The following NMUR2 variants were observed in gnomAD, a reference collection of about 807,000 sequenced individuals.
NMUR2 encodes the protein neuromedin-U receptor 2.
A neutral mutation model predicts 25.1 loss-of-function variants in NMUR2; 24 were observed. The ratio of observed to expected loss-of-function variants is 0.96; its 90% CI spans 0.69 to 1.34. NMUR2 has a LOEUF of 1.34. Ranked by LOEUF, NMUR2 falls within the 40% of genes most tolerant of loss-of-function variation. The pLI is 0.00. For synonymous variants in NMUR2, 218 were observed against 208.1 expected (o/e 1.05, Z -0.41); for missense variants, 533 against 512.8 (o/e 1.04, Z -0.38).
Position 152,405,064 on chromosome 5 carries a change from T to A in NMUR2, c.50A>T (p.Lys17Ile), listed in dbSNP as rs1753333166. ...LQNASWIYQQ[K>I]LEDPFQKHLN... is the part of the protein sequence containing the mutation. ...GTGTTTCTGGAATGGATCTTCTAGT[T>A]TCTGCTGGTAGATCCAGGAAGCATT... Residue 17 changes from lysine (K) to isoleucine (I), a missense_variant, in exon 1 of 4, where the codon AAA becomes ATA. Transcript: ENST00000255262. The A allele has an allele frequency of 6.2e-7, 1 of 1,613,706 alleles. No homozygotes were observed. The highest frequency in any genetic ancestry group is 1.1e-5 in the South Asian group (1 of 91,058).
chr5:152,402,197 G>A (rs1241574358), intron 1 of NMUR2, among the ~76,000 whole-genome samples: 1 of 152,130 alleles, frequency 6.6e-6, no homozygotes, highest in Admixed American at 6.5e-5. Flanking sequence ...CTTCCCTGAG[G>A]AAGCGTGTTG....
In NMUR2 at chr5:152,404,508, G is replaced by C. The variant is rs1268897426; in HGVS notation, c.606C>G (p.Ala202=). 6.2e-7 allele frequency: 1 copy of C among 1,614,136 alleles called. No individual in the cohort carries two copies. Among genetic ancestry groups the C allele is most frequent in the East Asian group, 2.2e-5 (1 of 44,856 alleles). The change falls in exon 1 of 4, where the codon GCC becomes GCG. Residue 202 remains alanine (A), a synonymous_variant. Coordinates refer to ENST00000255262, the MANE Select transcript of NMUR2 (RefSeq NM_020167.5). ...FPNGSLVPGS[A]TCTVIKPMWI... is the part of the protein sequence containing the mutation. The stretch of plus-strand genomic sequence containing the variant: ...ACATGGGCTTGATGACCGTACAGGT[G>C]GCCGAACCTGGGACCAGGGACCCAT...
At chr5:152,393,328 G>A (rs1753094727) in intron 3 of NMUR2, among the ~76,000 whole-genome samples, 2 of 152,134 alleles carry the variant, frequency 1.3e-5, no homozygotes, top group South Asian at 2.1e-4. Flanking sequence ...ACCATCCACA[G>A]AGAGGTTGAG....
chr5:152,401,307 A>G (rs1354997684), intron 1 of NMUR2, among the ~76,000 whole-genome samples: 3 of 152,206 alleles, frequency 2.0e-5, no homozygotes, highest in African/African-American at 7.2e-5. Context: ...ATTACTATAT[A>G]GTGTGATTAC....
At position 152,402,368 on chromosome 5, in the gene NMUR2, T is replaced by C. The variant is rs375067820; in HGVS notation, c.726+2020A>G. On this transcript the variant is annotated intron_variant, in intron 1 of 3. Coordinates refer to ENST00000255262, the MANE Select transcript of NMUR2 (RefSeq NM_020167.5). Reference sequence around the variant, plus strand: ...TCCTGAGTTTCAGTATAGAGATTTTTAAATTCTTCTAGAAGTGACTTTGTA... The same window carrying C: ...TCCTGAGTTTCAGTATAGAGATTTTCAAATTCTTCTAGAAGTGACTTTGTA... Among the ~76,000 whole-genome samples the C allele has an allele frequency of 1.2e-4, 19 of 152,292 alleles. No individual in the cohort carries two copies. In the East Asian group the frequency reaches 1.9e-3, roughly 15 times the overall value.
At chr5:152,402,216 C>A (rs530706425) in intron 1 of NMUR2, among the ~76,000 whole-genome samples, 1 of 152,070 alleles carries the variant, frequency 6.6e-6, no homozygotes, top group Non-Finnish European at 1.5e-5. Flanking sequence ...TGAAGTATGA[C>A]ACAGAGAATA....
intron 3 of NMUR2, among the ~76,000 whole-genome samples, chr5:152,394,059 T>C (rs1753108222): frequency 6.6e-6 from 1 of 152,152 alleles, no homozygotes; most frequent in African/African-American, 2.4e-5. Context: ...GGAGATGGTA[T>C]CTGAACAGGA....
intron 1 of NMUR2, among the ~76,000 whole-genome samples, chr5:152,402,942 C>A (rs774115989): frequency 6.6e-6 from 1 of 152,122 alleles, no homozygotes; most frequent in Non-Finnish European, 1.5e-5. Context: ...CGCTATTCAC[C>A]TTAGGGACAA....
At chr5:152,397,012 G>GTTTTTATTTTTTTTTTTTTT (rs1554106749) in intron 2 of NMUR2, among the ~76,000 whole-genome samples, 1 of 105,708 alleles carries the variant, frequency 9.5e-6, no homozygotes, top group Non-Finnish European at 2.0e-5. Context: ...TGAGCTTCAT[G>GTTTTTATTTTTTTTTTTTTT]TTTTTTTTTT....
chr5:152,395,622 C>G (rs1419800943), intron 2 of NMUR2, 38 bp from the exon 3 acceptor site: 1 of 1,608,622 alleles, frequency 6.2e-7, no homozygotes, highest in Non-Finnish European at 8.5e-7. Context: ...AGAAGACAGT[C>G]TGTGCAAGGA....
chr5:152,404,633 G>A lies in NMUR2; in HGVS notation c.481C>T (p.Arg161Cys), dbSNP rs750095849. 5 of 1,614,096 alleles carry A rather than the reference G, an allele frequency of 3.1e-6. No homozygotes were observed. Among genetic ancestry groups the A allele is most frequent in the East Asian group, 4.5e-5 (2 of 44,866 alleles). ...PFRAKLQSTR[R>C]RALRILGIVW... ...ATGCCGAGGATCCTGAGGGCCCGGCGCCGGGTGCTCTGCAGTTTGGCGCGG... is the reference window on the plus strand; with the variant it reads ...ATGCCGAGGATCCTGAGGGCCCGGCACCGGGTGCTCTGCAGTTTGGCGCGG... The change falls in exon 1 of 4, where the codon CGC becomes TGC. Residue 161 changes from arginine to cysteine, a missense_variant. By Grantham distance (180) the Arg-to-Cys change is radical. Coordinates refer to ENST00000255262, the MANE Select transcript of NMUR2 (RefSeq NM_020167.5).
At chr5:152,397,855 C>T (rs989968126) in intron 2 of NMUR2, among the ~76,000 whole-genome samples, 1 of 152,102 alleles carries the variant, frequency 6.6e-6, no homozygotes, top group Non-Finnish European at 1.5e-5. Context: ...CAAAGGAAGA[C>T]AGGTCACCTA....
chr5:152,397,850 G>C (rs1322111645), intron 2 of NMUR2, among the ~76,000 whole-genome samples: 1 of 152,056 alleles, frequency 6.6e-6, no homozygotes, highest in Non-Finnish European at 1.5e-5. Context: ...AGAAGCAAAG[G>C]AAGACAGGTC....
rs573330799 is a variant in NMUR2 at position 152,405,237 on chromosome 5, G to C, written c.-124C>G. The C allele has an allele frequency of 1.9e-5, 22 of 1,173,236 alleles. No individual in the cohort carries two copies. In the South Asian group the frequency reaches 2.2e-4, roughly 12 times the overall value. The allele number at this position is 1,173,236 out of a possible 1,614,324, so 72.7% of individuals were successfully genotyped here. On this transcript the variant is annotated 5_prime_UTR_variant, in exon 1 of 4. Transcript: ENST00000255262. ...AGCAGTCACGAAAGTCACAGGCTTC[G>C]TAAGGAAGGCTGGGAGAGAGTGAGT...
chr5:152,392,695 A>G (rs543777304), intron 3 of NMUR2, among the ~76,000 whole-genome samples, 194 bp from the exon 4 acceptor site: 3 of 152,350 alleles, frequency 2.0e-5, no homozygotes, highest in South Asian at 4.1e-4. Context: ...TAGCCATCAA[A>G]CACAAAGATT....
intron 2 of NMUR2, among the ~76,000 whole-genome samples, chr5:152,397,205 G>A (rs72791440): frequency 0.013 from 2,010 of 152,024 alleles, 17 homozygotes; most frequent in Non-Finnish European, 0.021. Context: ...CAGAAATGCT[G>A]TATAGTTACA....
Position 152,405,018 on chromosome 5 carries a change from A to G in NMUR2, c.96T>C (p.Tyr32=). 1 of 1,613,960 alleles carries G rather than the reference A, an allele frequency of 6.2e-7. No individual in the cohort carries two copies. Among genetic ancestry groups the G allele is most frequent in the South Asian group, 1.1e-5 (1 of 91,074 alleles). The part of the protein sequence containing the change: ...FQKHLNSTEE[Y]LAFLCGPRRS... Reference sequence around the variant, plus strand: ...GCCGAGGTCCGCAGAGGAAGGCCAGATACTCCTCGGTGCTGTTCAGGTGTT... The same window carrying G: ...GCCGAGGTCCGCAGAGGAAGGCCAGGTACTCCTCGGTGCTGTTCAGGTGTT... Residue 32 remains tyrosine (Y), a synonymous_variant, in exon 1 of 4, where the codon TAT becomes TAC. Transcript: ENST00000255262.
In NMUR2 at chr5:152,392,461, G is replaced by C. The variant is rs1753077720; in HGVS notation, c.978C>G (p.Ile326Met). 6.2e-7 allele frequency: 1 copy of C among 1,613,950 alleles called. No individual in the cohort carries two copies. Among genetic ancestry groups the C allele is most frequent in the Non-Finnish European group, 8.5e-7 (1 of 1,179,882 alleles). ...GGAAGCGGCGAGACAGTAGGTTATA[G>C]ATAATGGGGTTGACAGCTGAGCTCA... The part of the protein sequence containing the change: ...FYLSSAVNPI[I>M]YNLLSRRFQA... The change falls in exon 4 of 4, where the codon ATC (isoleucine) becomes ATG (methionine). Residue 326 changes from isoleucine (I) to methionine (M), a missense_variant. By Grantham distance (10) the Ile-to-Met change is conservative. Transcript: ENST00000255262.
At chr5:152,393,856 C>T (rs1403300996) in intron 3 of NMUR2, among the ~76,000 whole-genome samples, 1 of 151,902 alleles carries the variant, frequency 6.6e-6, no homozygotes, top group African/African-American at 2.4e-5. Context: ...GTATATAGCA[C>T]GCATAAGTAT....
Sources: gnomAD v4.1 joint callset for allele counts (sites outside exome capture counted in the v4.1 genomes callset) on GRCh38, gnomAD v4.1.1 for gene constraint, MANE v1.5 for transcripts, NCBI Gene and HGNC (gene_info 2026-07-23, HGNC 2026-07-21) for gene names.